Variants in FBN1 observed in about 807,000 individuals in gnomAD.
The protein encoded by FBN1 is fibrillin-1.
FBN1 carries 29 observed loss-of-function variants against 365.1 expected under a neutral mutation model. The observed-to-expected ratio is 0.08, with a 90% CI of 0.06 to 0.11. FBN1 has a LOEUF of 0.11. Among genes scored for constraint, FBN1 ranks in the 10% least tolerant of loss-of-function variants. FBN1 has a pLI of 1.00. For missense variants in FBN1, 2,476 were observed against 3,703.2 expected (o/e 0.67, Z 8.60); for synonymous variants, 1,210 against 1,270.5 (o/e 0.95, Z 1.01).
At chr15:48,454,277 G>C (rs2141257839) in intron 44 of FBN1, among the ~76,000 whole-genome samples, 1 of 152,274 alleles carries the variant, frequency 6.6e-6, no homozygotes, top group African/African-American at 2.4e-5. Flanking sequence ...AAAGACACCT[G>C]CTCAAATTAC....
rs529150174 is a variant in FBN1, at chr15:48,516,176, T to C, written c.1327+7A>G. On this transcript the variant is annotated splice_region_variant and intron_variant, in intron 11 of 65. Coordinates refer to ENST00000316623, the MANE Select transcript of FBN1 (RefSeq NM_000138.5). ...GAAAAATAACTAGATGATTTTTGAATTCTTACTTGGTGGCTCCCGAGATGG... is the reference window on the plus strand; with the variant it reads ...GAAAAATAACTAGATGATTTTTGAACTCTTACTTGGTGGCTCCCGAGATGG... 2.4e-5 allele frequency: 39 copies of C among 1,613,326 alleles called. No individual in the cohort carries two copies. In the South Asian group the frequency reaches 4.1e-4, roughly 17 times the overall value.
rs188313071 is a variant in FBN1 at position 48,511,576 on chromosome 15, T to G, written c.1589-1407A>C. On this transcript the variant is annotated intron_variant, in intron 13 of 65. Transcript: ENST00000316623. ...AAATTTAAAGCTTGTCATTCAAAGT[T>G]CTCCTCTACTGTGTTTCTGCCCATC... 3.3e-3 allele frequency among the ~76,000 whole-genome samples: 507 copies of G among 152,296 alleles called. 3 individuals carry two copies. Among genetic ancestry groups the G allele is most frequent in the Admixed American group, 7.4e-3 (113 of 15,300 alleles).
rs1198790159 is a variant in FBN1, at chr15:48,638,603, G to C, written c.164+6003C>G. Among the ~76,000 whole-genome samples, 3 of 140,146 alleles carry C rather than the reference G, an allele frequency of 2.1e-5. No individual in the cohort carries two copies. The East Asian group carries it at 6.5e-4, about 30-fold the overall frequency. The allele number at this position is 140,146 out of a possible 152,430, so 91.9% of individuals were successfully genotyped here. ...TAGTATTTGCAAAGTACAATCATAAGTGATACATCAGAGCTTTTTTTTTTT... is the reference window on the plus strand; with the variant it reads ...TAGTATTTGCAAAGTACAATCATAACTGATACATCAGAGCTTTTTTTTTTT... On this transcript the variant is annotated intron_variant, in intron 2 of 65. Transcript: ENST00000316623.
chr15:48,480,593 T>A (rs1395512199), intron 32 of FBN1, among the ~76,000 whole-genome samples: 1 of 152,186 alleles, frequency 6.6e-6, no homozygotes. Flanking sequence ...ATTGCCCTTA[T>A]CCTACATATC....
intron 3 of FBN1, among the ~76,000 whole-genome samples, chr15:48,611,792 C>T (rs1328506665): frequency 5.9e-5 from 9 of 152,294 alleles, no homozygotes; most frequent in East Asian, 1.9e-4. Context: ...TTATATTTAT[C>T]GGCAGACTAG....
rs1218879376 is a variant in FBN1 at position 48,568,041 on chromosome 15, GAAAGAAAGAAGA to G, written c.538+28230_538+28241del. 7.9e-5 allele frequency among the ~76,000 whole-genome samples: 5 copies of G among 63,226 alleles called. No homozygotes were observed. The East Asian group carries it at 1.1e-3, about 14-fold the overall frequency. The allele number at this position is 63,226 out of a possible 152,430, so 41.5% of individuals were successfully genotyped here. A position where few individuals can be genotyped will look rare whatever the true frequency, so the allele number is the denominator to read the frequency against. ...AGAAAGAAAGAAAGAAAGAAAGAAA[GAAAGAAAGAAGA>G]AAGAAAGAAAGAAAGAAAGAAAGAA... On this transcript the variant is annotated intron_variant, in intron 6 of 65. Transcript: ENST00000316623.
chr15:48,636,344 A>G (rs190113861), intron 2 of FBN1, among the ~76,000 whole-genome samples: 1 of 152,280 alleles, frequency 6.6e-6, no homozygotes, highest in Admixed American at 6.5e-5. Flanking sequence ...AAGCCAGGCA[A>G]TGTCGAGGAC....
intron 36 of FBN1, 89 bp from the exon 37 acceptor site, chr15:48,468,623 C>G (rs2043342685): frequency 1.4e-6 from 2 of 1,423,164 alleles, no homozygotes; most frequent in Non-Finnish European, 2.0e-6. Context: ...TCTAGAGCTC[C>G]AAACAAGAAT....
chr15:48,485,924 C>T (rs1009042999), intron 29 of FBN1, among the ~76,000 whole-genome samples: 9 of 152,250 alleles, frequency 5.9e-5, no homozygotes, highest in Admixed American at 1.3e-4. Flanking sequence ...TCCAGGCATA[C>T]GTCAAATAAA....
intron 6 of FBN1, among the ~76,000 whole-genome samples, chr15:48,584,233 C>T (rs938361792): frequency 6.6e-6 from 1 of 152,078 alleles, no homozygotes; most frequent in East Asian, 1.9e-4. Context: ...TATAATTACC[C>T]TCATTGTATA....
intron 32 of FBN1, chr15:48,476,770 C>G (rs1393483884): frequency 6.2e-6 from 1 of 160,812 alleles, no homozygotes; most frequent in Non-Finnish European, 1.2e-5. Context: ...GCCACCACGC[C>G]TGGCTTTTTT....
intron 6 of FBN1, among the ~76,000 whole-genome samples, chr15:48,546,333 G>T (rs2044093004): frequency 6.6e-6 from 1 of 152,168 alleles, no homozygotes; most frequent in African/African-American, 2.4e-5. Flanking sequence ...GAATAATTGG[G>T]TACACCTGCC....
chr15:48,594,753 G>A (rs1003922974), intron 6 of FBN1, among the ~76,000 whole-genome samples: 1 of 152,050 alleles, frequency 6.6e-6, no homozygotes, highest in South Asian at 2.1e-4. Flanking sequence ...AAATGTTACA[G>A]GTAAAATGCC....
At chr15:48,481,268 T>C (rs756327346) in intron 32 of FBN1, among the ~76,000 whole-genome samples, 1 of 152,192 alleles carries the variant, frequency 6.6e-6, no homozygotes, top group Non-Finnish European at 1.5e-5. Context: ...GCAATTCCAG[T>C]TATAAACCTT....
At chr15:48,610,595 G>T in intron 4 of FBN1, 133 bp downstream of exon 4, 1 of 712,550 alleles carries the variant, frequency 1.4e-6, no homozygotes, top group Non-Finnish European at 2.5e-6. Context: ...AAGTATTTTG[G>T]GCAGAACAGA....
chr15:48,433,197 G>A (rs1258871274), intron 54 of FBN1, among the ~76,000 whole-genome samples: 1 of 152,086 alleles, frequency 6.6e-6, no homozygotes, highest in African/African-American at 2.4e-5. Context: ...TCTCCATCCC[G>A]GTTCTCCCAG....
Position 48,410,797 on chromosome 15 carries a change from T to G in FBN1, c.*193A>C. 3 of 596,046 alleles carry G rather than the reference T, an allele frequency of 5.0e-6. No individual in the cohort carries two copies. Among genetic ancestry groups the G allele is most frequent in the East Asian group, 2.8e-5 (1 of 35,120 alleles). The allele number at this position is 596,046 out of a possible 1,614,324, so 36.9% of individuals were successfully genotyped here. ...AGCTTAGCTACACACATGAGAAGCC[T>G]GAGAAAGTGGTTGTTTTGAACTAGG... On this transcript the variant is annotated 3_prime_UTR_variant, in exon 66 of 66. Transcript: ENST00000316623.
At position 48,481,719 on chromosome 15, in the gene FBN1, T is replaced by C. The variant is rs549967075; in HGVS notation, c.3900A>G (p.Lys1300=). ...TATCACAGTGGCAGATAAATGAGCC[T>C]TTCGTGTTTTCACAGGTCCCACTTA... ...ICLSGTCENT[K]GSFICHCDMG... The change falls in exon 32 of 66, where the codon AAA becomes AAG. Residue 1300 remains lysine (K), a synonymous_variant. Transcript: ENST00000316623. 1.9e-6 allele frequency: 3 copies of C among 1,613,866 alleles called. No homozygotes were observed. The highest frequency in any genetic ancestry group is 2.7e-5 in the African/African-American group (2 of 75,038).
At chr15:48,471,705 T>G (rs2141276932) in intron 35 of FBN1, among the ~76,000 whole-genome samples, 1 of 152,374 alleles carries the variant, frequency 6.6e-6, no homozygotes, top group Middle Eastern at 3.4e-3. Flanking sequence ...GTTCACGTCT[T>G]GTTAACAAGG....
Sources: allele counts gnomAD v4.1 joint callset (sites outside exome capture counted in the v4.1 genomes callset), GRCh38; gene constraint gnomAD v4.1.1; transcripts MANE v1.5; gene names NCBI Gene and HGNC (gene_info 2026-07-23, HGNC 2026-07-21).